Variants in NCKAP5 observed in about 807,000 individuals in gnomAD.
NCKAP5 encodes the protein NCK associated protein 5, also known as nck-associated protein 5.
NCKAP5 carries 92 observed loss-of-function variants against 167.0 expected under a neutral mutation model. The ratio of observed to expected loss-of-function variants is 0.55; its 90% confidence interval spans 0.47 to 0.66. NCKAP5 has a LOEUF of 0.66. Ranked by LOEUF, NCKAP5 falls within the 30% of genes least tolerant of loss-of-function variation. The probability of loss-of-function intolerance (pLI) is 0.00; values close to 1 mark genes in which losing one functional copy is unlikely to be tolerated. For synonymous variants in NCKAP5, 891 were observed against 877.4 expected, an observed-to-expected ratio of 1.02 and a Z score of -0.27; for missense variants, 2,378 against 2,315.0, an observed-to-expected ratio of 1.03 and a Z score of -0.56.
At chr2:132,747,999 A>C (rs1679792594) in intron 16 of NCKAP5, among the ~76,000 whole-genome samples, 1 of 152,210 alleles carries the variant, frequency 6.6e-6, no homozygotes, top group South Asian at 2.1e-4. Flanking sequence ...GGTGGAAAGT[A>C]ACATGTTAAA....
chr2:132,860,518 T>G lies in NCKAP5; in HGVS notation c.781A>C (p.Arg261=). The part of the protein sequence containing the change: ...TLSILFQQRV[R]PTSDLLLQKL... ...TGGAGGAGCAGATCAGAAGTGGGTCTGACTCGCTGTTGGAATAGGATGCTT... is the reference window on the plus strand; with the variant it reads ...TGGAGGAGCAGATCAGAAGTGGGTCGGACTCGCTGTTGGAATAGGATGCTT... The change falls in exon 11 of 20, where the codon AGA becomes CGA. Residue 261 remains arginine (R), a synonymous_variant. Coordinates refer to ENST00000409261, the MANE Select transcript of NCKAP5 (RefSeq NM_207363.3). The G allele has an allele frequency of 6.3e-7, 1 of 1,582,362 alleles. No homozygotes were observed. Among genetic ancestry groups the G allele is most frequent in the Non-Finnish European group, 8.6e-7 (1 of 1,161,938 alleles).
intron 6 of NCKAP5, among the ~76,000 whole-genome samples, chr2:132,995,292 T>C (rs1250442456): frequency 6.6e-6 from 1 of 152,190 alleles, no homozygotes. Context: ...AACATAAACA[T>C]GTATAAGTTA....
intron 2 of NCKAP5, among the ~76,000 whole-genome samples, chr2:133,539,543 A>C (rs1465716127): frequency 6.6e-6 from 1 of 152,222 alleles, no homozygotes; most frequent in African/African-American, 2.4e-5. Flanking sequence ...CAATCATAAA[A>C]AGGATGAGAA....
intron 5 of NCKAP5, among the ~76,000 whole-genome samples, chr2:133,130,509 T>A (rs1234299733): frequency 2.0e-5 from 3 of 152,214 alleles, no homozygotes; most frequent in African/African-American, 2.4e-5. Context: ...CTCTGGTATA[T>A]CCTTGAAAGA....
rs191398356 is a variant in NCKAP5, at chr2:133,219,583, A to G, written c.144-5804T>C. Among the ~76,000 whole-genome samples the G allele has an allele frequency of 9.8e-4, 150 of 152,316 alleles. 1 individual carries two copies. The highest frequency in any genetic ancestry group is 3.5e-3 in the African/African-American group (144 of 41,572). On this transcript the variant is annotated intron_variant, in intron 4 of 19. Coordinates refer to ENST00000409261, the MANE Select transcript of NCKAP5 (RefSeq NM_207363.3). ...ATTTTATATATTAGGCTTCTGAATTATATTCCCTTTTAAAAGTGGGTTTCC... is the reference window on the plus strand; with the variant it reads ...ATTTTATATATTAGGCTTCTGAATTGTATTCCCTTTTAAAAGTGGGTTTCC...
chr2:133,535,928 T>C (rs1685728959), intron 2 of NCKAP5, among the ~76,000 whole-genome samples: 1 of 152,158 alleles, frequency 6.6e-6, no homozygotes, highest in Admixed American at 6.5e-5. Flanking sequence ...TGTTGGTCAC[T>C]TGTACGTCTT....
At chr2:132,695,852 ATTTAT>A (rs1329404316) in intron 19 of NCKAP5, among the ~76,000 whole-genome samples, 27 of 152,086 alleles carry the variant, frequency 1.8e-4, no homozygotes, top group Non-Finnish European at 1.2e-4. Context: ...ATTGTTTTTC[ATTTAT>A]TTTAACTCTA....
intron 5 of NCKAP5, among the ~76,000 whole-genome samples, chr2:133,184,066 C>T: frequency 6.6e-6 from 1 of 151,914 alleles, no homozygotes; most frequent in Non-Finnish European, 1.5e-5. Context: ...AATCCTGTCA[C>T]CCAAGTAGTG....
intron 19 of NCKAP5, among the ~76,000 whole-genome samples, chr2:132,709,372 G>T (rs1573948737): frequency 6.6e-6 from 1 of 152,120 alleles, no homozygotes; most frequent in East Asian, 1.9e-4. Flanking sequence ...AAATGGGGTG[G>T]TGGTAGAGGG....
chr2:133,662,467 G>T, the NCKAP5 span, among the ~76,000 whole-genome samples: 1 of 150,926 alleles, frequency 6.6e-6, no homozygotes, highest in Admixed American at 6.6e-5. Context: ...AGAAATATAT[G>T]GCTTATAACA....
chr2:132,749,700 AT>A (rs201181718), intron 16 of NCKAP5, among the ~76,000 whole-genome samples: 56 of 148,258 alleles, frequency 3.8e-4, no homozygotes, highest in Middle Eastern at 3.4e-3. Flanking sequence ...TAAAGGTAGC[AT>A]TTTTTTTTTT....
intron 3 of NCKAP5, among the ~76,000 whole-genome samples, chr2:133,515,428 C>T (rs1023313564): frequency 1.3e-5 from 2 of 152,194 alleles, no homozygotes; most frequent in Non-Finnish European, 1.5e-5. Flanking sequence ...AGATGTAACA[C>T]AGTCTGCCTC....
chr2:132,683,251 T>G (rs529929883), intron 19 of NCKAP5, among the ~76,000 whole-genome samples: 1 of 119,862 alleles, frequency 8.3e-6, no homozygotes, highest in African/African-American at 3.9e-5. Flanking sequence ...GAGAGGGTAC[T>G]GCTTGAATAG....
At chr2:132,955,964 G>A (rs78017188) in intron 8 of NCKAP5, among the ~76,000 whole-genome samples, 9,421 of 152,136 alleles carry the variant, frequency 0.062, 758 homozygotes, top group Admixed American at 0.23. Context: ...ATCAATGAAA[G>A]CAGAGAGTAG....
At chr2:133,506,022 T>C (rs372861429) in intron 3 of NCKAP5, among the ~76,000 whole-genome samples, 1 of 152,198 alleles carries the variant, frequency 6.6e-6, no homozygotes, top group Non-Finnish European at 1.5e-5. Flanking sequence ...GTTTAAGAAA[T>C]GTGCTAAAGG....
intron 8 of NCKAP5, among the ~76,000 whole-genome samples, chr2:132,939,658 TGA>T (rs2149094018): frequency 6.6e-6 from 1 of 152,306 alleles, no homozygotes; most frequent in Admixed American, 6.5e-5. Context: ...TGGCGATTTC[TGA>T]GAGTTCAGTG....
the NCKAP5 span, among the ~76,000 whole-genome samples, chr2:133,654,377 CAAATAAAT>C: frequency 1.6e-4 from 24 of 146,786 alleles, no homozygotes; most frequent in South Asian, 2.0e-3. Flanking sequence ...GACTCTATCT[CAAATAAAT>C]AAATAAATAA....
At chr2:133,055,928 T>C (rs2079783043) in intron 6 of NCKAP5, among the ~76,000 whole-genome samples, 1 of 152,194 alleles carries the variant, frequency 6.6e-6, no homozygotes, top group Non-Finnish European at 1.5e-5. Context: ...GCTTTAATTA[T>C]GGGAACAATA....
intron 2 of NCKAP5, among the ~76,000 whole-genome samples, chr2:133,532,558 C>A (rs1158067641): frequency 6.6e-6 from 1 of 152,170 alleles, no homozygotes; most frequent in African/African-American, 2.4e-5. Flanking sequence ...AGATGAAAGC[C>A]AGTGCCCCCA....
Sources: gnomAD v4.1 joint callset for allele counts (sites outside exome capture counted in the v4.1 genomes callset) on GRCh38, gnomAD v4.1.1 for gene constraint, MANE v1.5 for transcripts, NCBI Gene and HGNC (gene_info 2026-07-23, HGNC 2026-07-21) for gene names.